HPS5: variants seen among roughly 807,000 people sequenced by gnomAD.
The protein encoded by HPS5 is HPS5 biogenesis of lysosomal organelles complex 2 subunit 2.
Under a neutral mutation model 128.0 loss-of-function variants are expected in HPS5, and 83 were observed. The ratio of observed to expected loss-of-function variants is 0.65; its 90% CI spans 0.54 to 0.78. The LOEUF (loss-of-function observed/expected upper bound fraction) is 0.78. Ranked by LOEUF, HPS5 falls within the 30% of genes least tolerant of loss-of-function variation. HPS5 has a pLI of 0.00. For missense variants in HPS5, 1,281 were observed against 1,326.2 expected, an observed-to-expected ratio of 0.97 and a Z score of 0.53; for synonymous variants, 475 against 470.2, an observed-to-expected ratio of 1.01 and a Z score of -0.13.
intron 12 of HPS5, 105 bp downstream of exon 12, chr11:18,296,693 T>A (rs1204916954): frequency 9.6e-7 from 1 of 1,036,368 alleles, no homozygotes. Flanking sequence ...TGTTAAAAAT[T>A]ATTAACACTT....
intron 1 of HPS5, among the ~76,000 whole-genome samples, chr11:18,319,428 G>A (rs1428819245): frequency 6.6e-6 from 1 of 152,012 alleles, no homozygotes; most frequent in South Asian, 2.1e-4. Flanking sequence ...TTTATCTCAA[G>A]GAAAAGGGAA....
chr11:18,294,783 T>C (rs1013198495), intron 14 of HPS5, among the ~76,000 whole-genome samples: 56 of 152,026 alleles, frequency 3.7e-4, no homozygotes, highest in African/African-American at 1.1e-3. Flanking sequence ...AGAATTGTCT[T>C]GGGCCACACA....
Position 18,279,683 on chromosome 11 carries a change from G to A in HPS5, c.*199C>T. ...GTTAAGAAATGCTGAGTACAACTTTGGTTAAGAAACACTGAGGTCATGGAT... is the reference window on the plus strand; with the variant it reads ...GTTAAGAAATGCTGAGTACAACTTTAGTTAAGAAACACTGAGGTCATGGAT... On this transcript the variant is annotated 3_prime_UTR_variant, in exon 23 of 23. Coordinates refer to ENST00000349215, the MANE Select transcript of HPS5 (RefSeq NM_181507.2). 1 of 611,494 alleles carries A rather than the reference G, an allele frequency of 1.6e-6. No individual in the cohort carries two copies. The highest frequency in any genetic ancestry group is 2.9e-6 in the Non-Finnish European group (1 of 341,584). The allele number at this position is 611,494 out of a possible 1,614,324, so 37.9% of individuals were successfully genotyped here.
At position 18,298,825 on chromosome 11, in the gene HPS5, G is replaced by A; in HGVS notation, c.1131C>T (p.Cys377=). Reference sequence around the variant, plus strand: ...CAATGACAGAATTTTGGAAAAGACAGCATGTACGAGCAGCCAAGTTCCATA... The same window carrying A: ...CAATGACAGAATTTTGGAAAAGACAACATGTACGAGCAGCCAAGTTCCATA... ...RGLWNLAART[C]CLFQNSVIAS... Residue 377 remains cysteine (C), a synonymous_variant, in exon 10 of 23, where the codon TGC becomes TGT. Transcript: ENST00000349215. 1 of 1,614,200 alleles carries A rather than the reference G, an allele frequency of 6.2e-7. No homozygotes were observed. The highest frequency in any genetic ancestry group is 8.5e-7 in the Non-Finnish European group (1 of 1,180,022).
chr11:18,314,781 G>A (rs1366150085), intron 2 of HPS5, among the ~76,000 whole-genome samples: 2 of 152,056 alleles, frequency 1.3e-5, no homozygotes, highest in African/African-American at 4.8e-5. Context: ...GCTCACTGTA[G>A]CCTCAACCTC....
intron 22 of HPS5, chr11:18,280,478 T>C: frequency 1.5e-6 from 1 of 668,796 alleles, no homozygotes; most frequent in Non-Finnish European, 2.7e-6. Flanking sequence ...AACAGTATGG[T>C]GGTTCCTCAA....
chr11:18,286,823 A>C, intron 18 of HPS5, 113 bp from the exon 19 acceptor site: 1 of 1,312,260 alleles, frequency 7.6e-7, no homozygotes, highest in Non-Finnish European at 1.1e-6. Flanking sequence ...AGAAGAAATA[A>C]CTTGAAAACT....
intron 6 of HPS5, among the ~76,000 whole-genome samples, chr11:18,307,199 A>G (rs987470733): frequency 6.6e-6 from 1 of 152,216 alleles, no homozygotes; most frequent in African/African-American, 2.4e-5. Flanking sequence ...TGTCAGGCCT[A>G]CAAAAAGCAC....
At chr11:18,303,006 C>T (rs1341778773) in intron 8 of HPS5, among the ~76,000 whole-genome samples, 1 of 152,032 alleles carries the variant, frequency 6.6e-6, no homozygotes, top group Non-Finnish European at 1.5e-5. Flanking sequence ...GTCCCCTTAT[C>T]CCTTCACTGA....
chr11:18,292,436 C>T (rs1035361950), intron 15 of HPS5, among the ~76,000 whole-genome samples: 5 of 152,176 alleles, frequency 3.3e-5, no homozygotes, highest in Non-Finnish European at 7.4e-5. Context: ...TCAAGCGATC[C>T]GCCCACCTCA....
rs527845433 is a variant in HPS5, at chr11:18,286,748, T to C, written c.2718-38A>G. 2.4e-5 allele frequency: 39 copies of C among 1,612,224 alleles called. 1 individual carries two copies. In the South Asian group the frequency reaches 4.1e-4, roughly 17 times the overall value. ...TGGGGAAAAAAGTCACCAATCTTCA[T>C]GCTAAGAAAGGAAGCATAAAATGTG... is the stretch of plus-strand genomic sequence containing the variant. On this transcript the variant is annotated intron_variant, in intron 18 of 22. Transcript: ENST00000349215.
Position 18,305,450 on chromosome 11 carries a change from A to T in HPS5, c.868T>A (p.Leu290Met). The T allele has an allele frequency of 6.2e-7, 1 of 1,610,984 alleles. No homozygotes were observed. The highest frequency in any genetic ancestry group is 1.1e-5 in the South Asian group (1 of 90,980). ...YDHTAGSSQS[L>M]SFPKLLHLSE... ...AGATGTAAGAGTTTGGGGAAAGACAAAGACTGGGAGGATCCAGCTGTATGA... is the reference window on the plus strand; with the variant it reads ...AGATGTAAGAGTTTGGGGAAAGACATAGACTGGGAGGATCCAGCTGTATGA... The change falls in exon 8 of 23, where the codon TTG becomes ATG. Residue 290 changes from leucine (L) to methionine (M), a missense_variant. Coordinates refer to ENST00000349215, the MANE Select transcript of HPS5 (RefSeq NM_181507.2).
At position 18,282,009 on chromosome 11, in the gene HPS5, C is replaced by G; in HGVS notation, c.3270G>C (p.Glu1090Asp). ...AGGTTCTGGTAAACTTCTCTGACAA[C>G]TCAAGGGCCAGACCACATTCCTGTA... Reference protein sequence around the residue: ...SLLQECGLALELSEKFTRTCD... With the variant: ...SLLQECGLALDLSEKFTRTCD... Residue 1090 changes from glutamate (E) to aspartate (D), a missense_variant, in exon 22 of 23, where the codon GAG becomes GAC. Coordinates refer to ENST00000349215, the MANE Select transcript of HPS5 (RefSeq NM_181507.2). The G allele has an allele frequency of 6.2e-7, 1 of 1,614,224 alleles. No homozygotes were observed. Among genetic ancestry groups the G allele is most frequent in the Non-Finnish European group, 8.5e-7 (1 of 1,180,036 alleles).
chr11:18,317,272 T>C (rs992582908), intron 2 of HPS5, among the ~76,000 whole-genome samples: 1 of 151,670 alleles, frequency 6.6e-6, no homozygotes, highest in Non-Finnish European at 1.5e-5. Context: ...TTTTTTTTTT[T>C]TTTGAGAGAG....
intron 1 of HPS5, 83 bp from the exon 2 acceptor site, chr11:18,317,990 G>A: frequency 7.9e-6 from 8 of 1,019,064 alleles, no homozygotes; most frequent in Non-Finnish European, 1.2e-5. Context: ...GGAACATAGA[G>A]AAACATGAGA....
chr11:18,287,996 G>C lies in HPS5; in HGVS notation c.2458C>G (p.Pro820Ala), dbSNP rs1474759348. ...EGLKEMASSN[P>A]VYMEMEKGDL... Reference sequence around the variant, plus strand: ...CCTTTTTCCATCTCCATATACACAGGATTGGAACTTGCCATTTCTGAAATA... The same window carrying C: ...CCTTTTTCCATCTCCATATACACAGCATTGGAACTTGCCATTTCTGAAATA... The change falls in exon 17 of 23, where the codon CCT (proline) becomes GCT (alanine). Residue 820 changes from proline (P) to alanine (A), a missense_variant. Transcript: ENST00000349215. 7.4e-6 allele frequency: 12 copies of C among 1,613,702 alleles called. No homozygotes were observed. The highest frequency in any genetic ancestry group is 8.5e-6 in the Non-Finnish European group (10 of 1,179,814).
intron 10 of HPS5, among the ~76,000 whole-genome samples, chr11:18,298,500 T>C (rs901089457): frequency 6.6e-6 from 1 of 152,012 alleles, no homozygotes; most frequent in Non-Finnish European, 1.5e-5. Context: ...CTCAAAATAA[T>C]AATAATAATA....
chr11:18,308,856 C>A lies in HPS5; in HGVS notation c.611+90G>T. 5 of 1,303,606 alleles carry A rather than the reference C, an allele frequency of 3.8e-6. No individual in the cohort carries two copies. In the South Asian group the frequency reaches 4.8e-5, roughly 13 times the overall value. The allele number at this position is 1,303,606 out of a possible 1,614,324, so 80.8% of individuals were successfully genotyped here. A position where few individuals can be genotyped will look rare whatever the true frequency, so the allele number is the denominator to read the frequency against. ...AGAAAAAGAAAAAAAATCTGTATAA[C>A]TGATTGATGGGGCTTGGGGTAGATA... is the stretch of plus-strand genomic sequence containing the variant. On this transcript the variant is annotated intron_variant, in intron 6 of 22. Coordinates refer to ENST00000349215, the MANE Select transcript of HPS5 (RefSeq NM_181507.2).
chr11:18,293,228 G>A (rs1860652981), intron 14 of HPS5, among the ~76,000 whole-genome samples: 1 of 151,980 alleles, frequency 6.6e-6, no homozygotes, highest in Non-Finnish European at 1.5e-5. Context: ...GAGTGCAGTG[G>A]CATGATCTCC....
Sources: gnomAD v4.1 joint callset for allele counts (sites outside exome capture counted in the v4.1 genomes callset) on GRCh38, gnomAD v4.1.1 for gene constraint, MANE v1.5 for transcripts, NCBI Gene and HGNC (gene_info 2026-07-23, HGNC 2026-07-21) for gene names.